TTC39B: variants seen among roughly 807,000 people sequenced by gnomAD.
TTC39B encodes tetratricopeptide repeat domain 39B, also known as tetratricopeptide repeat protein 39B.
In TTC39B, 92 loss-of-function variants were observed where a neutral mutation model predicts 96.6. The ratio of observed to expected loss-of-function variants is 0.95; its 90% CI spans 0.80 to 1.13. TTC39B has a LOEUF of 1.13. Ranked by LOEUF, TTC39B falls within the 50% of genes most tolerant of loss-of-function variation. TTC39B has a pLI of 0.00. For missense variants in TTC39B, 955 were observed against 809.3 expected (o/e 1.18, Z -2.18); for synonymous variants, 367 against 299.4 (o/e 1.23, Z -2.33).
chr9:15,252,792 T>C (rs1203678496), intron 2 of TTC39B, among the ~76,000 whole-genome samples: 1 of 152,186 alleles, frequency 6.6e-6, no homozygotes. Flanking sequence ...GGGAACTAGG[T>C]ATAAGGGTCT....
chr9:15,268,093 G>C (rs184534686), intron 1 of TTC39B, 145 bp from the exon 2 acceptor site: 4 of 607,572 alleles, frequency 6.6e-6, no homozygotes, highest in African/African-American at 3.8e-5. Flanking sequence ...TCAACTTAAC[G>C]CTTATGGAAT....
intron 1 of TTC39B, among the ~76,000 whole-genome samples, chr9:15,268,964 G>C (rs1197383431): frequency 2.6e-5 from 4 of 152,070 alleles, no homozygotes; most frequent in African/African-American, 9.7e-5. Context: ...GCCAGCCTCT[G>C]ACCACATCCC....
intron 1 of TTC39B, among the ~76,000 whole-genome samples, chr9:15,298,321 A>G (rs1433615253): frequency 6.6e-6 from 1 of 152,198 alleles, no homozygotes; most frequent in Non-Finnish European, 1.5e-5. Context: ...TGCAGACAGC[A>G]TATGGTAGGG....
chr9:15,246,051 C>T (rs1359929283), intron 2 of TTC39B, among the ~76,000 whole-genome samples: 3 of 151,998 alleles, frequency 2.0e-5, no homozygotes, highest in East Asian at 1.9e-4. Context: ...GTCAGGAGTT[C>T]GAGACCAGCC....
rs528721150 is a variant in TTC39B at position 15,185,499 on chromosome 9, C to G, written c.1488-93G>C. On this transcript the variant is annotated intron_variant, in intron 15 of 19. Coordinates refer to ENST00000512701, the Ensembl canonical transcript of TTC39B. ...TTTTCACAGTGAACTTCACAGACCACCAGCAGCAGCAGCAGCATCACCTGG... is the reference window on the plus strand; with the variant it reads ...TTTTCACAGTGAACTTCACAGACCAGCAGCAGCAGCAGCAGCATCACCTGG... 1.6e-4 allele frequency: 251 copies of G among 1,555,182 alleles called. No individual in the cohort carries two copies. The African/African-American group carries it at 2.5e-3, about 15-fold the overall frequency.
intron 2 of TTC39B, chr9:15,232,494 G>A (rs1821482324): frequency 6.6e-6 from 1 of 152,120 alleles, no homozygotes; most frequent in Non-Finnish European, 1.5e-5. Context: ...TCACCAAAGG[G>A]TCACACTAGC....
At chr9:15,179,188 A>T (rs530023247) in intron 17 of TTC39B, among the ~76,000 whole-genome samples, 19 of 152,254 alleles carry the variant, frequency 1.2e-4, no homozygotes, top group South Asian at 4.2e-4. Flanking sequence ...CACTTTTGAA[A>T]TTTTTTTGCA....
At chr9:15,291,387 A>G in intron 1 of TTC39B, among the ~76,000 whole-genome samples, 1 of 152,202 alleles carries the variant, frequency 6.6e-6, no homozygotes, top group East Asian at 1.9e-4. Context: ...GCCTGCTGCC[A>G]TGCACGTGAG....
chr9:15,234,892 C>CGGAA (rs1586932980), intron 2 of TTC39B, among the ~76,000 whole-genome samples: 1 of 152,028 alleles, frequency 6.6e-6, no homozygotes, highest in Admixed American at 6.5e-5. Flanking sequence ...ACAAACACTG[C>CGGAA]GGAAGGCCGC....
At chr9:15,177,737 G>C in exon 18 of TTC39B, 1 of 1,613,214 alleles carries the variant, frequency 6.2e-7, no homozygotes, top group Non-Finnish European at 8.5e-7. Context: ...GCTTGCAAGG[G>C]CCGCTGTAAG....
intron 19 of TTC39B, among the ~76,000 whole-genome samples, chr9:15,173,518 T>C (rs183843618): frequency 6.6e-6 from 1 of 152,284 alleles, no homozygotes. Context: ...GACCTCTTAG[T>C]TGCTGCCCTC....
intron 18 of TTC39B, among the ~76,000 whole-genome samples, chr9:15,177,246 T>A (rs576750028): frequency 5.4e-4 from 82 of 152,064 alleles, no homozygotes; most frequent in African/African-American, 1.7e-3. Context: ...GCTGGGAGTA[T>A]CTCTTAAGCT....
intron 18 of TTC39B, among the ~76,000 whole-genome samples, chr9:15,175,703 C>CA (rs1817899338): frequency 1.3e-5 from 2 of 152,096 alleles, no homozygotes; most frequent in Admixed American, 1.3e-4. Flanking sequence ...CCTCAAGTGC[C>CA]AAAAACAGCT....
chr9:15,193,436 A>C (rs1818972662), intron 8 of TTC39B, among the ~76,000 whole-genome samples: 1 of 152,244 alleles, frequency 6.6e-6, no homozygotes, highest in African/African-American at 2.4e-5. Context: ...AGATATCATG[A>C]ATCACTTGGT....
intron 8 of TTC39B, among the ~76,000 whole-genome samples, chr9:15,194,650 C>T (rs1819053233): frequency 6.6e-6 from 1 of 152,220 alleles, no homozygotes; most frequent in African/African-American, 2.4e-5. Context: ...ACAATATGTG[C>T]TCACTTTGTG....
At chr9:15,232,677 C>T (rs908290559) in intron 2 of TTC39B, among the ~76,000 whole-genome samples, 2 of 152,188 alleles carry the variant, frequency 1.3e-5, no homozygotes, top group Non-Finnish European at 2.9e-5. Context: ...CTTTAAAAAA[C>T]AAAAACAGAG....
chr9:15,266,476 A>G (rs982732609), intron 2 of TTC39B, among the ~76,000 whole-genome samples: 1 of 152,214 alleles, frequency 6.6e-6, no homozygotes, highest in Non-Finnish European at 1.5e-5. Flanking sequence ...TATTTTTAAA[A>G]TAATTTTTAA....
intron 2 of TTC39B, among the ~76,000 whole-genome samples, chr9:15,228,458 C>T (rs1821249171): frequency 6.7e-6 from 1 of 149,788 alleles, no homozygotes; most frequent in Non-Finnish European, 1.5e-5. Context: ...GAGTGACACT[C>T]CATCTCAAAA....
rs1157653466 is a variant in TTC39B, at chr9:15,306,111, TC to T, written c.240+972del. Reference sequence around the variant, plus strand: ...AAACTTAACCGCCTCCTCCAGATCGTCCACTATTGCATCATTTGAAACCAAA... The same window carrying T: ...AAACTTAACCGCCTCCTCCAGATCGTCACTATTGCATCATTTGAAACCAAA... On this transcript the variant is annotated intron_variant, in intron 1 of 19. Coordinates refer to ENST00000512701, the Ensembl canonical transcript of TTC39B. This position sits in a 1 kb window ranked among gnomAD's most constrained non-coding sequence, Gnocchi z 5.1. Among the ~76,000 whole-genome samples, 1 of 152,204 alleles carries T rather than the reference TC, an allele frequency of 6.6e-6. No individual in the cohort carries two copies. The highest frequency in any genetic ancestry group is 1.9e-4 in the East Asian group (1 of 5,192).
Sources: gnomAD v4.1 joint callset for allele counts (sites outside exome capture counted in the v4.1 genomes callset) on GRCh38, gnomAD v4.1.1 for gene constraint, Gnocchi (gnomAD v3.1) non-coding constraint, MANE v1.5 for transcripts, NCBI Gene and HGNC (gene_info 2026-07-23, HGNC 2026-07-21) for gene names.